FAAH: variants seen among roughly 807,000 people sequenced by gnomAD.
FAAH encodes fatty-acid amide hydrolase 1.
Under a neutral mutation model 69.7 loss-of-function variants are expected in FAAH, and 63 were observed. The observed-to-expected ratio is 0.90, with a 90% CI of 0.74 to 1.12. The LOEUF is 1.12. FAAH is among the 50% of genes most tolerant of loss of function. FAAH has a pLI of 0.00. For missense variants in FAAH, 680 were observed against 755.0 expected (o/e 0.90, Z 1.16); for synonymous variants, 305 against 324.2 (o/e 0.94, Z 0.64).
In FAAH at chr1:46,405,737, G is replaced by A. The variant is rs114795065; in HGVS notation, c.728G>A (p.Arg243His). 1.4e-3 allele frequency: 2,276 copies of A among 1,613,472 alleles called. 4 individuals carry two copies. The highest frequency in any genetic ancestry group is 1.8e-3 in the South Asian group (167 of 91,084). ...GGCACTGATATCGGAGGCAGCATCC[G>A]CTTCCCCTCCTCCTTCTGCGGCATC... is the stretch of plus-strand genomic sequence containing the variant. ...GLGTDIGGSI[R>H]FPSSFCGICG... The change falls in exon 5 of 15, where the codon CGC becomes CAC. Residue 243 changes from arginine to histidine, a missense_variant. Coordinates refer to ENST00000243167, the MANE Select transcript of FAAH (RefSeq NM_001441.3). The surrounding 1 kb of genome is among the most constrained non-coding windows in gnomAD (Gnocchi z 4.1).
At chr1:46,398,044 C>T (rs2148444274) in intron 1 of FAAH, among the ~76,000 whole-genome samples, 2 of 151,704 alleles carry the variant, frequency 1.3e-5, no homozygotes, top group Middle Eastern at 6.8e-3. Context: ...AGCAATTCTC[C>T]TGCCTCAGCC....
At position 46,408,552 on chromosome 1, in the gene FAAH, A is replaced by G; in HGVS notation, c.1045A>G (p.Thr349Ala). ...GGCCATGAGGCGGGCCGTGCTGGAGACCAAACAGAGCCTTGAGGCTGCGGG... is the reference window on the plus strand; with the variant it reads ...GGCCATGAGGCGGGCCGTGCTGGAGGCCAAACAGAGCCTTGAGGCTGCGGG... ...SPAMRRAVLETKQSLEAAGHT... is the reference protein window; with the variant it reads ...SPAMRRAVLEAKQSLEAAGHT... The change falls in exon 8 of 15, where the codon ACC becomes GCC. Residue 349 changes from threonine (T) to alanine (A), a missense_variant. Thr to Ala is a moderately conservative substitution (Grantham distance 58, BLOSUM62 0). Transcript: ENST00000243167. 1 of 1,614,128 alleles carries G rather than the reference A, an allele frequency of 6.2e-7. No homozygotes were observed. Among genetic ancestry groups the G allele is most frequent in the Non-Finnish European group, 8.5e-7 (1 of 1,180,022 alleles).
At chr1:46,412,088 GC>G in intron 12 of FAAH, 54 bp from the exon 13 acceptor site, 1 of 1,464,490 alleles carries the variant, frequency 6.8e-7, no homozygotes, top group Non-Finnish European at 9.4e-7. Flanking sequence ...GAGTTAAAGA[GC>G]CTGGGGTGGG....
Position 46,405,226 on chromosome 1 carries a change from G to A in FAAH, c.444+78G>A. 3 of 1,612,308 alleles carry A rather than the reference G, an allele frequency of 1.9e-6. No homozygotes were observed. Among genetic ancestry groups the A allele is most frequent in the Non-Finnish European group, 2.5e-6 (3 of 1,179,876 alleles). On this transcript the variant is annotated intron_variant, in intron 3 of 14. Coordinates refer to ENST00000243167, the MANE Select transcript of FAAH (RefSeq NM_001441.3). The surrounding 1 kb of genome is among the most constrained non-coding windows in gnomAD (Gnocchi z 4.1). ...CTGCTCTGCATCTTGGGTCATTTTG[G>A]GCCCTTAGAGGAGGTATCAGGTCCA...
chr1:46,396,438 G>C (rs1410384996), intron 1 of FAAH, among the ~76,000 whole-genome samples: 2 of 152,084 alleles, frequency 1.3e-5, no homozygotes, highest in Non-Finnish European at 2.9e-5. Context: ...TACGGGTATC[G>C]GGCTGAGGTA....
chr1:46,401,113 G>C (rs865831944), intron 1 of FAAH, among the ~76,000 whole-genome samples: 38 of 89,822 alleles, frequency 4.2e-4, no homozygotes, highest in African/African-American at 1.5e-3. Flanking sequence ...GGAGGGGGAA[G>C]CAGGCCAGGG....
Position 46,413,694 on chromosome 1 carries a change from C to T in FAAH, c.*119C>T. 3 of 1,462,414 alleles carry T rather than the reference C, an allele frequency of 2.1e-6. No individual in the cohort carries two copies. The highest frequency in any genetic ancestry group is 2.8e-6 in the Non-Finnish European group (3 of 1,062,470). 90.6% of individuals were successfully genotyped at this position (1,462,414 alleles called of 1,614,324 possible). On this transcript the variant is annotated 3_prime_UTR_variant, in exon 15 of 15. Coordinates refer to ENST00000243167, the MANE Select transcript of FAAH (RefSeq NM_001441.3). ...TGCATGGGGCAGAGGCTTCCGTGTC[C>T]TCTCCCCCAACCCCCTGCAAGAAGC...
chr1:46,407,122 C>T (rs752605557), intron 7 of FAAH, among the ~76,000 whole-genome samples: 14 of 151,844 alleles, frequency 9.2e-5, no homozygotes, highest in Admixed American at 6.6e-5. Context: ...CTGCAAGCAG[C>T]GTGGTGTGCT....
rs1664841290 is a variant in FAAH at position 46,408,510 on chromosome 1, T to C, written c.1003T>C (p.Tyr335His). The change falls in exon 8 of 15, where the codon TAT becomes CAT. Residue 335 changes from tyrosine (Y) to histidine (H), a missense_variant. Physicochemically the swap from Tyr to His is moderately conservative, Grantham distance 83. Transcript: ENST00000243167. ...LRVGYYETDN[Y>H]TMPSPAMRRA... ...TGTGGGGTACTATGAGACTGACAACTATACCATGCCCTCCCCGGCCATGAG... is the reference window on the plus strand; with the variant it reads ...TGTGGGGTACTATGAGACTGACAACCATACCATGCCCTCCCCGGCCATGAG... 6.2e-7 allele frequency: 1 copy of C among 1,614,152 alleles called. No individual in the cohort carries two copies. The highest frequency in any genetic ancestry group is 8.5e-7 in the Non-Finnish European group (1 of 1,180,016).
intron 8 of FAAH, among the ~76,000 whole-genome samples, 175 bp downstream of exon 8, chr1:46,408,759 G>A (rs544525952): frequency 7.2e-5 from 11 of 152,348 alleles, no homozygotes; most frequent in African/African-American, 2.4e-4. Flanking sequence ...ATTGGAGTGA[G>A]TGATTGATGG....
rs1185651596 is a variant in FAAH, at chr1:46,394,489, G to T, written c.141G>T (p.Arg47Ser). Reference sequence around the variant, plus strand: ...GCGCGGTGGTCCGGGCGCGACAGAGGCAGCGAGCGGGCCTGGAGAACATGG... The same window carrying T: ...GCGCGGTGGTCCGGGCGCGACAGAGTCAGCGAGCGGGCCTGGAGAACATGG... The part of the protein sequence containing the change: ...ARGAVVRARQ[R>S]QRAGLENMDR... Residue 47 changes from arginine (R) to serine (S), a missense_variant, in exon 1 of 15, where the codon AGG (arginine) becomes AGT (serine). Arg to Ser is a moderately radical substitution (Grantham distance 110). Transcript: ENST00000243167. The T allele has an allele frequency of 2.9e-6, 4 of 1,397,180 alleles. No individual in the cohort carries two copies. Among genetic ancestry groups the T allele is most frequent in the Non-Finnish European group, 2.8e-6 (3 of 1,081,290 alleles). 86.5% of individuals were successfully genotyped at this position (1,397,180 alleles called of 1,614,324 possible).
chr1:46,412,986 G>A (rs1557762603), intron 13 of FAAH, 89 bp from the exon 14 acceptor site: 9 of 1,483,756 alleles, frequency 6.1e-6, no homozygotes, highest in Non-Finnish European at 6.5e-6. Flanking sequence ...GTAGACACAG[G>A]GTGCCATTTC....
At position 46,411,026 on chromosome 1, in the gene FAAH, G is replaced by A. The variant is rs965875178; in HGVS notation, c.1316+172G>A. On this transcript the variant is annotated intron_variant, in intron 11 of 14. Transcript: ENST00000243167. This position sits in a 1 kb window ranked among gnomAD's most constrained non-coding sequence, Gnocchi z 4.8. ...CAGATGGGACTTTGAAGTTGTCTTG[G>A]CAAGGTCCAGTTCTGGCTGGAGAGC... The A allele has an allele frequency of 3.7e-5, 29 of 774,776 alleles. No homozygotes were observed. The highest frequency in any genetic ancestry group is 6.0e-5 in the Admixed American group (3 of 49,952). 48.0% of individuals were successfully genotyped at this position (774,776 alleles called of 1,614,324 possible).
chr1:46,398,626 C>T (rs992322147), intron 1 of FAAH, among the ~76,000 whole-genome samples: 1 of 152,028 alleles, frequency 6.6e-6, no homozygotes, highest in Non-Finnish European at 1.5e-5. Flanking sequence ...CTCCGCCTCC[C>T]GGGTTCAAGT....
intron 7 of FAAH, among the ~76,000 whole-genome samples, 187 bp downstream of exon 7, chr1:46,406,555 C>A (rs543353304): frequency 1.5e-5 from 2 of 136,180 alleles, no homozygotes; most frequent in East Asian, 4.2e-4. Flanking sequence ...AATCCTCAGG[C>A]TTTTTTTTTT....
chr1:46,410,480 T>C lies in FAAH; in HGVS notation c.1258T>C (p.Phe420Leu). The change falls in exon 10 of 15, where the codon TTC becomes CTC. Residue 420 changes from phenylalanine (F) to leucine (L), a missense_variant. Transcript: ENST00000243167. The surrounding 1 kb of genome is among the most constrained non-coding windows in gnomAD (Gnocchi z 4.9). Reference sequence around the variant, plus strand: ...CCAATGGCTTAAAGGACTGCTGGCCTTCCTGGTGAAGCCTCTGGTGAGGGC... The same window carrying C: ...CCAATGGCTTAAAGGACTGCTGGCCCTCCTGGTGAAGCCTCTGGTGAGGGC... ...LPQWLKGLLA[F>L]LVKPLLPRLS... The C allele has an allele frequency of 1.9e-6, 3 of 1,614,072 alleles. No individual in the cohort carries two copies. The highest frequency in any genetic ancestry group is 2.5e-6 in the Non-Finnish European group (3 of 1,179,948).
chr1:46,410,381 A>G lies in FAAH; in HGVS notation c.1176-17A>G, dbSNP rs1169449554. 6.2e-7 allele frequency: 1 copy of G among 1,609,160 alleles called. No individual in the cohort carries two copies. ...TGTGGGGATGGGAGTGCCTGGACCG[A>G]GCATTTTGTTTCCCAGCAAAGGTGA... On this transcript the variant is annotated splice_polypyrimidine_tract_variant and intron_variant, in intron 9 of 14. Coordinates refer to ENST00000243167, the MANE Select transcript of FAAH (RefSeq NM_001441.3). The surrounding 1 kb of genome is among the most constrained non-coding windows in gnomAD (Gnocchi z 4.9).
At chr1:46,398,220 C>T (rs1664634081) in intron 1 of FAAH, among the ~76,000 whole-genome samples, 1 of 152,200 alleles carries the variant, frequency 6.6e-6, no homozygotes, top group Admixed American at 6.5e-5. Context: ...CAGGTGTGAG[C>T]CACCTCACCC....
chr1:46,395,827 C>T (rs572357242), intron 1 of FAAH, among the ~76,000 whole-genome samples: 4 of 152,338 alleles, frequency 2.6e-5, no homozygotes, highest in Non-Finnish European at 4.4e-5. Context: ...ATGAGGAAGG[C>T]ACCTTGCATG....
Sources: gnomAD v4.1 joint callset for allele counts (sites outside exome capture counted in the v4.1 genomes callset) on GRCh38, gnomAD v4.1.1 for gene constraint, Gnocchi (gnomAD v3.1) non-coding constraint, MANE v1.5 for transcripts, NCBI Gene and HGNC (gene_info 2026-07-23, HGNC 2026-07-21) for gene names.